Variants in ATAD2B observed in about 807,000 individuals in gnomAD.
ATAD2B encodes the protein ATPase family AAA domain containing 2B, also known as ATPase family AAA domain-containing protein 2B.
A neutral mutation model predicts 167.6 loss-of-function variants in ATAD2B; 40 were observed. The ratio of observed to expected loss-of-function variants is 0.24; its 90% CI spans 0.19 to 0.31. The LOEUF is 0.31. ATAD2B is among the 10% of genes least tolerant of loss of function. The pLI is 1.00. For missense variants in ATAD2B, 1,242 were observed against 1,757.2 expected (o/e 0.71, Z 5.24); for synonymous variants, 579 against 596.5 (o/e 0.97, Z 0.43).
intron 13 of ATAD2B, chr2:23,856,546 A>T (rs961394797): frequency 4.3e-6 from 1 of 234,686 alleles, no homozygotes; most frequent in African/African-American, 2.4e-5. Context: ...TGGGGAGTGA[A>T]AAAGAATAAA....
chr2:23,823,673 TAA>T, intron 15 of ATAD2B, 104 bp from the exon 16 acceptor site: 1 of 1,023,726 alleles, frequency 9.8e-7, no homozygotes, highest in Non-Finnish European at 1.4e-6. Flanking sequence ...TAATCAATAC[TAA>T]ATCAATAACT....
the ATAD2B span, among the ~76,000 whole-genome samples, chr2:23,693,039 C>G: frequency 6.6e-6 from 1 of 152,188 alleles, no homozygotes; most frequent in African/African-American, 2.4e-5. Context: ...AGGACCTGTG[C>G]GCACAGAGGG....
chr2:23,872,800 C>T (rs373192205), intron 8 of ATAD2B: 14 of 982,544 alleles, frequency 1.4e-5, no homozygotes, highest in East Asian at 7.1e-5. Context: ...TGGCATCTAG[C>T]ACTGTCCAGA....
downstream of ATAD2B, among the ~76,000 whole-genome samples, chr2:23,747,661 T>C (rs747129302): frequency 6.6e-6 from 1 of 152,164 alleles, no homozygotes; most frequent in Non-Finnish European, 1.5e-5. Flanking sequence ...CTGGTATATA[T>C]ACCAATTCCC....
At chr2:23,782,298 T>A (rs1680182434) in intron 22 of ATAD2B, among the ~76,000 whole-genome samples, 4 of 152,216 alleles carry the variant, frequency 2.6e-5, no homozygotes, top group Admixed American at 2.6e-4. Context: ...CTATGACACA[T>A]ATTCTTCCTC....
At position 23,895,915 on chromosome 2, in the gene ATAD2B, C is replaced by T. The variant is rs780350357; in HGVS notation, c.272G>A (p.Arg91His). The T allele has an allele frequency of 1.4e-5, 23 of 1,613,158 alleles. No individual in the cohort carries two copies. The highest frequency in any genetic ancestry group is 1.7e-4 in the Middle Eastern group (1 of 6,060). The change falls in exon 2 of 28, where the codon CGC becomes CAC. Residue 91 changes from arginine (R) to histidine (H), a missense_variant. By Grantham distance (29) the Arg-to-His change is conservative. Coordinates refer to ENST00000238789, the MANE Select transcript of ATAD2B (RefSeq NM_017552.4). ...SDSHVSPPAK[R>H]TLKQPDSVCK... ...AACAGAATCAGGTTGTTTCAAAGTG[C>T]GTTTGGCTGGAGGAGATACGTGGCT... is the stretch of plus-strand genomic sequence containing the variant.
the ATAD2B span, among the ~76,000 whole-genome samples, chr2:23,722,848 T>TG: frequency 6.6e-6 from 1 of 152,210 alleles, no homozygotes; most frequent in Admixed American, 6.5e-5. Context: ...TCAAGTCACA[T>TG]GTAACAGAAT....
intron 3 of ATAD2B, 106 bp downstream of exon 3, chr2:23,888,244 T>G (rs946968820): frequency 1.2e-6 from 1 of 820,856 alleles, no homozygotes; most frequent in Non-Finnish European, 1.9e-6. Context: ...CATTTCCAAC[T>G]GTATGCTCAG....
At chr2:23,808,123 A>C (rs1684908624) in intron 18 of ATAD2B, among the ~76,000 whole-genome samples, 1 of 17,848 alleles carries the variant, frequency 5.6e-5, no homozygotes, top group Admixed American at 8.3e-4. Flanking sequence ...ATATATAATT[A>C]TTATATATAA....
intron 8 of ATAD2B, chr2:23,872,747 C>T: frequency 1.0e-6 from 1 of 1,002,154 alleles, no homozygotes; most frequent in South Asian, 1.3e-5. Flanking sequence ...GTGCTGCTCA[C>T]TGAGGCACCA....
At chr2:23,892,391 C>T (rs932908090) in intron 2 of ATAD2B, among the ~76,000 whole-genome samples, 1 of 152,006 alleles carries the variant, frequency 6.6e-6, no homozygotes, top group East Asian at 1.9e-4. Flanking sequence ...GTCTCTATCT[C>T]CTGACCTCGT....
At chr2:23,777,961 T>TA (rs1039426832) in intron 22 of ATAD2B, among the ~76,000 whole-genome samples, 7 of 152,210 alleles carry the variant, frequency 4.6e-5, no homozygotes, top group Non-Finnish European at 7.3e-5. Flanking sequence ...ATGTATATGT[T>TA]AGTTTTTTCC....
intron 18 of ATAD2B, among the ~76,000 whole-genome samples, chr2:23,805,557 T>C (rs1359421909): frequency 6.6e-6 from 1 of 152,218 alleles, no homozygotes; most frequent in African/African-American, 2.4e-5. Flanking sequence ...CAAATATCCT[T>C]GTTCATTTAG....
intron 10 of ATAD2B, 63 bp from the exon 11 acceptor site, chr2:23,864,987 A>G (rs12623316): frequency 0.14 from 135,857 of 1,005,818 alleles, 10,031 homozygotes; most frequent in Middle Eastern, 0.22. Context: ...AATTTTTAAA[A>G]TTTATAAAAG....
the ATAD2B span, among the ~76,000 whole-genome samples, chr2:23,741,340 G>T: frequency 1.3e-5 from 2 of 152,124 alleles, no homozygotes; most frequent in Admixed American, 6.5e-5. Context: ...GCATGGTACT[G>T]GTACCAAAAC....
intron 27 of ATAD2B, among the ~76,000 whole-genome samples, 183 bp from the exon 28 acceptor site, chr2:23,752,270 C>T (rs751370413): frequency 6.6e-6 from 1 of 151,770 alleles, no homozygotes; most frequent in Non-Finnish European, 1.5e-5. Flanking sequence ...TTCCAAGTAC[C>T]TCCTATTTTA....
intron 17 of ATAD2B, among the ~76,000 whole-genome samples, chr2:23,819,310 G>A (rs931601265): frequency 4.6e-5 from 7 of 152,210 alleles, no homozygotes; most frequent in Admixed American, 4.6e-4. Context: ...GGACAACATA[G>A]TGAAACCCCA....
chr2:23,717,011 G>A, the ATAD2B span, among the ~76,000 whole-genome samples: 1 of 152,180 alleles, frequency 6.6e-6, no homozygotes, highest in South Asian at 2.1e-4. Context: ...CGAGGATGGA[G>A]GCAGTGGCCA....
At chr2:23,694,418 C>G in the ATAD2B span, among the ~76,000 whole-genome samples, 65 of 152,304 alleles carry the variant, frequency 4.3e-4, no homozygotes, top group African/African-American at 1.5e-3. Context: ...AAGTGGTTTC[C>G]TTGCCTCTGT....
Sources: gnomAD v4.1 joint callset for allele counts (sites outside exome capture counted in the v4.1 genomes callset) on GRCh38, gnomAD v4.1.1 for gene constraint, MANE v1.5 for transcripts, NCBI Gene and HGNC (gene_info 2026-07-23, HGNC 2026-07-21) for gene names.